Variants in SUGCT observed in about 807,000 individuals in gnomAD.
SUGCT encodes succinyl-CoA:glutarate-CoA transferase.
In SUGCT, 41 loss-of-function variants were observed where a neutral mutation model predicts 55.0. The observed-to-expected ratio is 0.74, with a 90% CI of 0.58 to 0.97. The LOEUF is 0.97. Ranked by LOEUF, SUGCT falls within the 50% of genes least tolerant of loss-of-function variation. The pLI is 0.00. For synonymous variants in SUGCT, 187 were observed against 200.4 expected (o/e 0.93, Z 0.56); for missense variants, 568 against 547.8 (o/e 1.04, Z -0.37).
intron 12 of SUGCT, among the ~76,000 whole-genome samples, chr7:40,683,212 G>A (rs1784328194): frequency 6.6e-6 from 1 of 152,102 alleles, no homozygotes; most frequent in East Asian, 1.9e-4. Context: ...TGATGTTCTA[G>A]TTAAGAAAGT....
At chr7:41,033,194 T>A in the SUGCT span, among the ~76,000 whole-genome samples, 1 of 152,192 alleles carries the variant, frequency 6.6e-6, no homozygotes, top group Non-Finnish European at 1.5e-5. Flanking sequence ...AGCTCTCTCA[T>A]TGAGGGGACA....
At chr7:40,438,558 G>A (rs1788298904) in intron 9 of SUGCT, among the ~76,000 whole-genome samples, 1 of 152,114 alleles carries the variant, frequency 6.6e-6, no homozygotes, top group African/African-American at 2.4e-5. Context: ...TTCTTCGGGA[G>A]TAATACAATC....
intron 8 of SUGCT, among the ~76,000 whole-genome samples, chr7:40,316,472 G>A (rs191579191): frequency 7.9e-5 from 12 of 152,178 alleles, no homozygotes; most frequent in Admixed American, 2.6e-4. Context: ...GCCAGACCAC[G>A]GTTCCATCTG....
At chr7:40,175,716 T>G (rs1784893143) in intron 1 of SUGCT, among the ~76,000 whole-genome samples, 1 of 151,620 alleles carries the variant, frequency 6.6e-6, no homozygotes, top group Non-Finnish European at 1.5e-5. Flanking sequence ...CCATAAACAG[T>G]GAGATCACCA....
chr7:40,947,488 C>T, the SUGCT span, among the ~76,000 whole-genome samples: 1 of 146,346 alleles, frequency 6.8e-6, no homozygotes, highest in Non-Finnish European at 1.5e-5. Flanking sequence ...GCATGTGGGC[C>T]ATACTTTCTC....
At chr7:40,684,232 A>G (rs1300410854) in intron 12 of SUGCT, 6 of 1,430,674 alleles carry the variant, frequency 4.2e-6, no homozygotes, top group African/African-American at 2.9e-5. Flanking sequence ...CCTTAATTAC[A>G]TCCATACTTA....
In SUGCT at chr7:40,238,845, G is replaced by C. The variant is rs573912794; in HGVS notation, c.576+1119G>C. 4.1e-5 allele frequency among the ~76,000 whole-genome samples: 6 copies of C among 144,666 alleles called. No homozygotes were observed. In the Admixed American group the frequency reaches 4.2e-4, roughly 10 times the overall value. 94.9% of individuals were successfully genotyped at this position (144,666 alleles called of 152,430 possible). On this transcript the variant is annotated intron_variant, in intron 7 of 13. Coordinates refer to ENST00000335693, the MANE Select transcript of SUGCT (RefSeq NM_001193313.2). ...TGCTTTTTTTTTTTTTTTTAAGTCA[G>C]AGTCTTGCTCTGTCGCCCAGGCTAG...
At chr7:40,206,313 T>C (rs1786972930) in intron 6 of SUGCT, among the ~76,000 whole-genome samples, 1 of 152,222 alleles carries the variant, frequency 6.6e-6, no homozygotes, top group South Asian at 2.1e-4. Context: ...TTCATCTCGC[T>C]AATTATTTTT....
At chr7:40,824,317 G>C (rs1202859644) in intron 13 of SUGCT, among the ~76,000 whole-genome samples, 1 of 152,144 alleles carries the variant, frequency 6.6e-6, no homozygotes, top group Non-Finnish European at 1.5e-5. Flanking sequence ...AGGCCCGCTT[G>C]CCATTTCAAA....
chr7:40,544,625 A>G (rs928250619), intron 12 of SUGCT, among the ~76,000 whole-genome samples: 5 of 152,174 alleles, frequency 3.3e-5, no homozygotes, highest in African/African-American at 1.2e-4. Flanking sequence ...CTTGTGTACC[A>G]TGAAAGCTGC....
At chr7:41,003,019 T>A in the SUGCT span, among the ~76,000 whole-genome samples, 2 of 152,114 alleles carry the variant, frequency 1.3e-5, no homozygotes, top group Admixed American at 1.3e-4. Context: ...TATTTATGAA[T>A]AGCAATAATT....
the SUGCT span, among the ~76,000 whole-genome samples, chr7:40,905,892 A>G: frequency 5.1e-3 from 771 of 151,678 alleles, 6 homozygotes; most frequent in African/African-American, 0.018. Flanking sequence ...TAATTTTTAA[A>G]TTTTTTGTAG....
chr7:41,017,720 G>A, the SUGCT span, among the ~76,000 whole-genome samples: 51 of 148,880 alleles, frequency 3.4e-4, no homozygotes, highest in Middle Eastern at 3.7e-3. Flanking sequence ...GCAGTGAGCC[G>A]AGATGGCACC....
At chr7:40,418,028 T>C (rs543757365) in intron 9 of SUGCT, among the ~76,000 whole-genome samples, 8 of 152,328 alleles carry the variant, frequency 5.3e-5, no homozygotes, top group African/African-American at 1.4e-4. Context: ...TCAGCTGCCT[T>C]CAGACAGATG....
chr7:40,296,579 GA>G (rs1304521183), intron 8 of SUGCT, among the ~76,000 whole-genome samples: 7 of 151,856 alleles, frequency 4.6e-5, no homozygotes, highest in South Asian at 2.1e-4. Flanking sequence ...ATCTCAGAGA[GA>G]GGGGGAAGGG....
chr7:40,171,984 CTCTCTCTTTCCCTTT>C (rs977187801), intron 1 of SUGCT, among the ~76,000 whole-genome samples: 9 of 152,140 alleles, frequency 5.9e-5, no homozygotes, highest in African/African-American at 1.2e-4. Flanking sequence ...CTTTTCCTCT[CTCTCTCTTTCCCTTT>C]TCTCTCTTTC....
Position 40,189,528 on chromosome 7 carries a change from AT to A in SUGCT, c.313-10del, listed in dbSNP as rs749468859. 3 of 980,930 alleles carry A rather than the reference AT, an allele frequency of 3.1e-6. No homozygotes were observed. The highest frequency in any genetic ancestry group is 4.1e-6 in the Non-Finnish European group (3 of 738,804). 60.8% of individuals were successfully genotyped at this position (980,930 alleles called of 1,614,324 possible). ...TCATCGAAATAATATATATATATAT[AT>A]TTTTTAATTTTTAGAGTATTGCTGT... On this transcript the variant is annotated splice_polypyrimidine_tract_variant and intron_variant, in intron 4 of 13. Transcript: ENST00000335693.
chr7:40,928,612 T>TC, the SUGCT span, among the ~76,000 whole-genome samples: 1 of 151,910 alleles, frequency 6.6e-6, no homozygotes, highest in African/African-American at 2.4e-5. Flanking sequence ...AATTTTTTTT[T>TC]TTTTTGAGAC....
intron 12 of SUGCT, among the ~76,000 whole-genome samples, chr7:40,667,657 C>T: frequency 7.0e-6 from 1 of 143,632 alleles, no homozygotes; most frequent in African/African-American, 2.6e-5. Context: ...GTTTCAGTTT[C>T]TTCCTGGTTC....
Sources: gnomAD v4.1 joint callset for allele counts (sites outside exome capture counted in the v4.1 genomes callset) on GRCh38, gnomAD v4.1.1 for gene constraint, MANE v1.5 for transcripts, NCBI Gene and HGNC (gene_info 2026-07-23, HGNC 2026-07-21) for gene names.